Variants in LPP observed in about 807,000 individuals in gnomAD.
The protein encoded by LPP is LIM domain containing preferred translocation partner in lipoma.
Under a neutral mutation model 60.4 loss-of-function variants are expected in LPP, and 38 were observed. The ratio of observed to expected loss-of-function variants is 0.63; its 90% confidence interval spans 0.49 to 0.83. LPP has a LOEUF of 0.83. LPP is among the 40% of genes least tolerant of loss of function. LPP has a pLI of 0.00. For missense variants in LPP, 902 were observed against 783.6 expected, an observed-to-expected ratio of 1.15 and a Z score of -1.80; for synonymous variants, 328 against 290.8, an observed-to-expected ratio of 1.13 and a Z score of -1.30.
At chr3:188,524,619 T>C in intron 5 of LPP, 46 bp from the exon 6 acceptor site, 1 of 1,570,428 alleles carries the variant, frequency 6.4e-7, no homozygotes, top group South Asian at 1.2e-5. Flanking sequence ...TATAATGATA[T>C]CAAGGGAAAT....
At chr3:188,561,472 T>C (rs1830664052) in intron 6 of LPP, among the ~76,000 whole-genome samples, 1 of 152,016 alleles carries the variant, frequency 6.6e-6, no homozygotes, top group South Asian at 2.1e-4. Context: ...TCAGTACACA[T>C]CCCTGTCATT....
intron 2 of LPP, among the ~76,000 whole-genome samples, chr3:188,324,923 G>A (rs12631781): frequency 0.28 from 42,955 of 151,918 alleles, 7,051 homozygotes; most frequent in East Asian, 0.65. Context: ...TGTTTGAAAG[G>A]CCCTTTCATG....
intron 9 of LPP, among the ~76,000 whole-genome samples, chr3:188,811,965 T>C (rs1299922066): frequency 6.6e-6 from 1 of 152,056 alleles, no homozygotes; most frequent in African/African-American, 2.4e-5. Flanking sequence ...CCTTCAAGCA[T>C]TTGTCCTTTG....
chr3:188,767,782 A>G (rs1734626035), intron 9 of LPP, among the ~76,000 whole-genome samples: 1 of 152,180 alleles, frequency 6.6e-6, no homozygotes, highest in East Asian at 1.9e-4. Context: ...TGGAGCCGAC[A>G]TAGTATGCCA....
At chr3:188,492,493 C>T (rs912541476) in intron 5 of LPP, among the ~76,000 whole-genome samples, 5 of 151,928 alleles carry the variant, frequency 3.3e-5, no homozygotes, top group South Asian at 4.2e-4. Flanking sequence ...TCAAGGAGTT[C>T]GAGACCAGCC....
rs56823666 is a variant in LPP, at chr3:188,381,947, A to ATT, written c.-9-24153_-9-24152dup. 5.0e-4 allele frequency among the ~76,000 whole-genome samples: 72 copies of ATT among 144,114 alleles called. No individual in the cohort carries two copies. The South Asian group carries it at 7.7e-3, about 15-fold the overall frequency. The allele number at this position is 144,114 out of a possible 152,430, so 94.5% of individuals were successfully genotyped here. On this transcript the variant is annotated intron_variant, in intron 3 of 11. Transcript: ENST00000617246. ...CAGGTGTGACCCGATACACCCAGCT[A>ATT]TTTTTTTTTTTTTAGATTTTGTAGA...
At chr3:188,285,935 G>A (rs983856940) in intron 2 of LPP, among the ~76,000 whole-genome samples, 1 of 152,206 alleles carries the variant, frequency 6.6e-6, no homozygotes, top group African/African-American at 2.4e-5. Context: ...AAGACCCTTT[G>A]TAAGCTGTAC....
chr3:188,452,247 T>C (rs1427536087), intron 4 of LPP, among the ~76,000 whole-genome samples: 6 of 152,202 alleles, frequency 3.9e-5, no homozygotes, highest in Non-Finnish European at 4.4e-5. Context: ...TCCCTCCGTA[T>C]CCTTCTCTTT....
At chr3:188,521,714 A>G (rs1818921208) in intron 5 of LPP, among the ~76,000 whole-genome samples, 1 of 152,094 alleles carries the variant, frequency 6.6e-6, no homozygotes, top group Non-Finnish European at 1.5e-5. Context: ...TTCTTATCTA[A>G]ATCTTATAAC....
chr3:188,389,770 C>A (rs1466225625), intron 3 of LPP, among the ~76,000 whole-genome samples: 3 of 67,282 alleles, frequency 4.5e-5, no homozygotes, highest in African/African-American at 8.1e-5. Context: ...AGTGGGACTC[C>A]GTCTCAAAAA....
rs188570609 is a variant in LPP at position 188,824,993 on chromosome 3, G to A, written c.1411-41207G>A. Among the ~76,000 whole-genome samples the A allele has an allele frequency of 3.3e-5, 5 of 152,210 alleles. No homozygotes were observed. The East Asian group carries it at 9.7e-4, about 29-fold the overall frequency. ...ATGGATTAGCAGAAATTCATCTTAC[G>A]TGACCAAGAGCAGCTGCATAATGGC... On this transcript the variant is annotated intron_variant, in intron 9 of 11. Transcript: ENST00000617246.
rs1819976631 is a variant in LPP at position 188,524,734 on chromosome 3, A to G, written c.376A>G (p.Ser126Gly). Residue 126 changes from serine (S) to glycine (G), a missense_variant, in exon 6 of 12, where the codon AGC becomes GGC. By Grantham distance (56) the Ser-to-Gly change is moderately conservative. Coordinates refer to ENST00000617246, the MANE Select transcript of LPP (RefSeq NM_001375462.1). ...GGACGCTGAGATTGACTCCTTGACC[A>G]GCATCTTGGCTGACCTTGAGTGCAG... ...SLDAEIDSLT[S>G]ILADLECSSP... is the part of the protein sequence containing the mutation. The G allele has an allele frequency of 5.0e-6, 8 of 1,614,016 alleles. No individual in the cohort carries two copies. Among genetic ancestry groups the G allele is most frequent in the African/African-American group, 1.3e-5 (1 of 74,924 alleles).
At chr3:188,247,197 G>C in intron 2 of LPP, 1 of 983,610 alleles carries the variant, frequency 1.0e-6, no homozygotes, top group Non-Finnish European at 1.2e-6. Context: ...CTTACCCTGA[G>C]ATCAAGGGTT....
chr3:188,589,735 T>C (rs577124866), intron 6 of LPP, among the ~76,000 whole-genome samples: 1 of 152,348 alleles, frequency 6.6e-6, no homozygotes, highest in South Asian at 2.1e-4. Flanking sequence ...TAAAAACAAA[T>C]CATAAAACAT....
intron 7 of LPP, among the ~76,000 whole-genome samples, chr3:188,697,995 C>G (rs1237965270): frequency 6.6e-6 from 1 of 152,158 alleles, no homozygotes; most frequent in Non-Finnish European, 1.5e-5. Flanking sequence ...AGGGCTGGAG[C>G]CGTGGCAACC....
intron 6 of LPP, among the ~76,000 whole-genome samples, chr3:188,548,222 T>G (rs1398010464): frequency 6.6e-6 from 1 of 152,168 alleles, no homozygotes; most frequent in African/African-American, 2.4e-5. Context: ...TCTAACTCAC[T>G]TTTTGATTTT....
chr3:188,866,413 G>A (rs760032056), intron 10 of LPP, 35 bp downstream of exon 10: 61 of 1,403,166 alleles, frequency 4.3e-5, no homozygotes, highest in Non-Finnish European at 5.3e-5. Flanking sequence ...CACCCTGCCA[G>A]TCCTTTTGGA....
intron 1 of LPP, among the ~76,000 whole-genome samples, chr3:188,176,882 G>C (rs1176034613): frequency 6.6e-6 from 1 of 152,320 alleles, no homozygotes; most frequent in African/African-American, 2.4e-5. Context: ...AAAAACACAA[G>C]GCTTAGAATT....
chr3:188,383,040 A>T (rs1313082938), intron 3 of LPP, among the ~76,000 whole-genome samples: 1 of 152,220 alleles, frequency 6.6e-6, no homozygotes, highest in Non-Finnish European at 1.5e-5. Flanking sequence ...GGTTCAAGTC[A>T]ATCTGGGTGC....
Sources: allele counts gnomAD v4.1 joint callset (sites outside exome capture counted in the v4.1 genomes callset), GRCh38; gene constraint gnomAD v4.1.1; transcripts MANE v1.5; gene names NCBI Gene and HGNC (gene_info 2026-07-23, HGNC 2026-07-21).